GTF2IRD1: variants seen among roughly 807,000 people sequenced by gnomAD.
The protein encoded by GTF2IRD1 is GTF2I repeat domain containing 1.
A neutral mutation model predicts 113.2 loss-of-function variants in GTF2IRD1; 26 were observed. The ratio of observed to expected loss-of-function variants is 0.23; its 90% CI spans 0.17 to 0.32. GTF2IRD1 has a LOEUF of 0.32. Among genes scored for constraint, GTF2IRD1 ranks in the 10% least tolerant of loss-of-function variants. GTF2IRD1 has a pLI of 1.00. For synonymous variants in GTF2IRD1, 484 were observed against 529.1 expected (o/e 0.91, Z 1.17); for missense variants, 864 against 1,280.8 (o/e 0.67, Z 4.97).
chr7:74,486,472 C>A (rs1353163198), intron 1 of GTF2IRD1, among the ~76,000 whole-genome samples: 1 of 152,198 alleles, frequency 6.6e-6, no homozygotes, highest in Non-Finnish European at 1.5e-5. Flanking sequence ...ATTGAGCCCC[C>A]CATTGCCTGC....
intron 25 of GTF2IRD1, among the ~76,000 whole-genome samples, chr7:74,598,897 A>C (rs587759728): frequency 6.6e-6 from 1 of 152,224 alleles, no homozygotes; most frequent in South Asian, 2.1e-4. Context: ...TCTCTTTCGC[A>C]GGGTCTCTAT....
At chr7:74,541,725 C>A (rs1259881017) in intron 14 of GTF2IRD1, among the ~76,000 whole-genome samples, 4 of 151,834 alleles carry the variant, frequency 2.6e-5, no homozygotes, top group African/African-American at 9.7e-5. Context: ...CATGATGAAA[C>A]CCCCTTCTCT....
chr7:74,557,679 C>T lies in GTF2IRD1; in HGVS notation c.2064C>T (p.Asn688=). The change falls in exon 20 of 27, where the codon AAC becomes AAT. Residue 688 remains asparagine, a synonymous_variant. Coordinates refer to ENST00000424337, the MANE Select transcript of GTF2IRD1 (RefSeq NM_005685.4). ...GGCTCTCACGGATCGACATCGCCAA[C>T]ACACTAAGGGAGCAGGTCCAGGACC... The part of the protein sequence containing the change: ...DARLSRIDIA[N]TLREQVQDLF... The T allele has an allele frequency of 6.2e-7, 1 of 1,613,550 alleles. No individual in the cohort carries two copies. Among genetic ancestry groups the T allele is most frequent in the Non-Finnish European group, 8.5e-7 (1 of 1,179,544 alleles).
rs797035823 is a variant in GTF2IRD1, at chr7:74,463,728, G to T, written c.-7+9552G>T. On this transcript the variant is annotated intron_variant, in intron 1 of 26. Coordinates refer to ENST00000424337, the MANE Select transcript of GTF2IRD1 (RefSeq NM_005685.4). ...CAGAGTAGGACCACTGTTGTTTTTTGTTTTTTTTTTTTTGAGACAGAGTCT... is the reference window on the plus strand; with the variant it reads ...CAGAGTAGGACCACTGTTGTTTTTTTTTTTTTTTTTTTTGAGACAGAGTCT... 9.7e-3 allele frequency among the ~76,000 whole-genome samples: 1,302 copies of T among 134,706 alleles called. 20 individuals carry two copies. Among genetic ancestry groups the T allele is most frequent in the African/African-American group, 0.032 (1,166 of 36,790 alleles). The allele number at this position is 134,706 out of a possible 152,430, so 88.4% of individuals were successfully genotyped here.
rs1451585554 is a variant in GTF2IRD1 at position 74,597,178 on chromosome 7, G to A, written c.2629+2127G>A. On this transcript the variant is annotated intron_variant, in intron 25 of 26. Transcript: ENST00000424337. The stretch of plus-strand genomic sequence containing the variant: ...CTGCCTCAGTTTCCCAAGTAGCTGG[G>A]ATTACAGGCGCCTGCCACCACGCCC... 9.2e-5 allele frequency among the ~76,000 whole-genome samples: 14 copies of A among 152,156 alleles called. No individual in the cohort carries two copies. In the East Asian group the frequency reaches 9.7e-4, roughly 10 times the overall value.
At chr7:74,545,615 C>T (rs1279897156) in intron 15 of GTF2IRD1, 129 bp from the exon 16 acceptor site, 2 of 677,536 alleles carry the variant, frequency 3.0e-6, no homozygotes, top group Non-Finnish European at 5.5e-6. Context: ...AAGTTACCCA[C>T]CGCCCCAGCC....
At chr7:74,519,926 G>A (rs1382640810) in intron 6 of GTF2IRD1, among the ~76,000 whole-genome samples, 1 of 151,784 alleles carries the variant, frequency 6.6e-6, no homozygotes, top group Non-Finnish European at 1.5e-5. Context: ...TGTGAATGAT[G>A]TCCTTGGCCT....
At chr7:74,600,980 C>T in intron 25 of GTF2IRD1, 64 bp from the exon 26 acceptor site, 2 of 1,577,306 alleles carry the variant, frequency 1.3e-6, no homozygotes, top group South Asian at 1.1e-5. Context: ...TTCCAGGGAG[C>T]TCAGGAGGCT....
intron 13 of GTF2IRD1, 56 bp from the exon 14 acceptor site, chr7:74,539,823 G>A (rs1798527433): frequency 4.0e-6 from 5 of 1,244,756 alleles, no homozygotes; most frequent in African/African-American, 1.5e-5. Flanking sequence ...CTGAGGGACT[G>A]TGACAGGAGT....
intron 12 of GTF2IRD1, 63 bp downstream of exon 12, chr7:74,538,236 C>CGGCA: frequency 6.5e-7 from 1 of 1,539,272 alleles, no homozygotes; most frequent in Non-Finnish European, 9.0e-7. Context: ...CAGCCCTACC[C>CGGCA]GGCAGCCTTG....
At chr7:74,467,275 C>T (rs1253504425) in intron 1 of GTF2IRD1, among the ~76,000 whole-genome samples, 12 of 152,066 alleles carry the variant, frequency 7.9e-5, no homozygotes, top group Admixed American at 1.3e-4. Context: ...TCCCAGCTCT[C>T]GTTGGCGCTC....
intron 1 of GTF2IRD1, among the ~76,000 whole-genome samples, chr7:74,457,934 A>G (rs1282705563): frequency 6.9e-6 from 1 of 144,284 alleles, no homozygotes; most frequent in Non-Finnish European, 1.5e-5. Context: ...GCTGGCATGC[A>G]GTGGCGCCAT....
chr7:74,479,344 C>CCCCA (rs1489615364), intron 1 of GTF2IRD1, among the ~76,000 whole-genome samples: 1 of 139,890 alleles, frequency 7.1e-6, no homozygotes, highest in African/African-American at 2.5e-5. Context: ...TGGATTTGTT[C>CCCCA]CCCACCCACC....
At position 74,474,617 on chromosome 7, in the gene GTF2IRD1, G is replaced by A. The variant is rs1339423647; in HGVS notation, c.-7+20441G>A. On this transcript the variant is annotated intron_variant, in intron 1 of 26. Coordinates refer to ENST00000424337, the MANE Select transcript of GTF2IRD1 (RefSeq NM_005685.4). ...CTCTTTGTGCTGTGTGACCTTGGGC[G>A]AGTTGCTCAGCCTTTCTGAGCCTCT... is the stretch of plus-strand genomic sequence containing the variant. Among the ~76,000 whole-genome samples the A allele has an allele frequency of 2.6e-5, 4 of 152,186 alleles. No individual in the cohort carries two copies. The East Asian group carries it at 5.8e-4, about 22-fold the overall frequency.
At chr7:74,517,000 C>CTTT (rs3066699) in intron 4 of GTF2IRD1, among the ~76,000 whole-genome samples, 12,866 of 149,056 alleles carry the variant, frequency 0.086, 1,223 homozygotes, top group East Asian at 0.24. Flanking sequence ...TCTCTCCTGT[C>CTTT]TTTGTTGTTG....
chr7:74,577,403 C>T (rs2130914259), intron 22 of GTF2IRD1, among the ~76,000 whole-genome samples: 1 of 152,282 alleles, frequency 6.6e-6, no homozygotes, highest in South Asian at 2.1e-4. Context: ...CACGCGCACA[C>T]ACATAATTTC....
At chr7:74,515,180 C>T (rs1796856556) in intron 3 of GTF2IRD1, among the ~76,000 whole-genome samples, 1 of 151,944 alleles carries the variant, frequency 6.6e-6, no homozygotes, top group South Asian at 2.1e-4. Context: ...AGAGAAGGGA[C>T]TAACCCAAGG....
At chr7:74,478,243 T>C (rs1445001526) in intron 1 of GTF2IRD1, among the ~76,000 whole-genome samples, 1 of 152,184 alleles carries the variant, frequency 6.6e-6, no homozygotes, top group Non-Finnish European at 1.5e-5. Flanking sequence ...ACACGGGACC[T>C]GATGTCAGGG....
At chr7:74,529,344 C>A (rs1220221542) in intron 8 of GTF2IRD1, among the ~76,000 whole-genome samples, 3 of 152,116 alleles carry the variant, frequency 2.0e-5, no homozygotes, top group African/African-American at 7.2e-5. Context: ...GCTTCGAACT[C>A]CTAGGCTCAA....
Sources: allele counts gnomAD v4.1 joint callset (sites outside exome capture counted in the v4.1 genomes callset), GRCh38; gene constraint gnomAD v4.1.1; transcripts MANE v1.5; gene names NCBI Gene and HGNC (gene_info 2026-07-23, HGNC 2026-07-21).